The following KCNH5 variants were observed in gnomAD, a reference collection of about 807,000 sequenced individuals.
KCNH5 encodes the protein potassium voltage-gated channel subfamily H member 5, also known as voltage-gated delayed rectifier potassium channel KCNH5.
KCNH5 carries 46 observed loss-of-function variants against 96.1 expected under a neutral mutation model. The ratio of observed to expected loss-of-function variants is 0.48; its 90% CI spans 0.38 to 0.61. The LOEUF (loss-of-function observed/expected upper bound fraction) is 0.61. Among genes scored for constraint, KCNH5 ranks in the 20% least tolerant of loss-of-function variants. The pLI is 0.00. For synonymous variants in KCNH5, 439 were observed against 449.8 expected (o/e 0.98, Z 0.30); for missense variants, 907 against 1,225.8 (o/e 0.74, Z 3.88).
chr14:62,935,564 G>A (rs547057203), intron 7 of KCNH5, among the ~76,000 whole-genome samples: 3 of 152,186 alleles, frequency 2.0e-5, no homozygotes, highest in South Asian at 2.1e-4. Flanking sequence ...ACAGAGCTAG[G>A]AAAAAATAAA....
In KCNH5 at chr14:63,045,246, G is replaced by T. The variant is rs1397610380; in HGVS notation, c.-60C>A. On this transcript the variant is annotated 5_prime_UTR_variant, in exon 1 of 11. Transcript: ENST00000322893. ...CGGGGGAGGGGGGGATGCAGGCAAA[G>T]AAGGTGGAGGAAGAGGAGGAAAAGG... is the stretch of plus-strand genomic sequence containing the variant. The T allele has an allele frequency of 8.7e-6, 11 of 1,268,098 alleles. No homozygotes were observed. Among genetic ancestry groups the T allele is most frequent in the South Asian group, 2.4e-5 (2 of 84,124 alleles). The allele number at this position is 1,268,098 out of a possible 1,614,324, so 78.6% of individuals were successfully genotyped here.
At chr14:62,936,966 G>A (rs1173250442) in intron 7 of KCNH5, among the ~76,000 whole-genome samples, 1 of 120,312 alleles carries the variant, frequency 8.3e-6, no homozygotes, top group African/African-American at 3.3e-5. Context: ...GGGCAACAGA[G>A]TGAGACTCCA....
intron 7 of KCNH5, among the ~76,000 whole-genome samples, chr14:62,879,735 T>C (rs1455557235): frequency 6.6e-6 from 1 of 152,186 alleles, no homozygotes; most frequent in Non-Finnish European, 1.5e-5. Context: ...TGATTTGTAA[T>C]TTAATGTTAA....
At chr14:62,916,014 G>C (rs931554018) in intron 7 of KCNH5, among the ~76,000 whole-genome samples, 1 of 147,100 alleles carries the variant, frequency 6.8e-6, no homozygotes, top group Non-Finnish European at 1.5e-5. Context: ...GAGTGCAGTG[G>C]AGATCTTGGC....
rs775695930 is a variant in KCNH5, at chr14:63,001,471, A to G, written c.305-12T>C. ...CCAAACAGGGGTTCCTGTAACAGAA[A>G]GAAGTTGGGGAAAGGACATTAGAGT... On this transcript the variant is annotated splice_polypyrimidine_tract_variant and intron_variant, in intron 3 of 10. Transcript: ENST00000322893. 7 of 1,606,814 alleles carry G rather than the reference A, an allele frequency of 4.4e-6. No individual in the cohort carries two copies. In the South Asian group the frequency reaches 7.8e-5, roughly 18 times the overall value.
chr14:62,753,972 G>A (rs1205092183), intron 10 of KCNH5, among the ~76,000 whole-genome samples: 1 of 152,094 alleles, frequency 6.6e-6, no homozygotes, highest in Non-Finnish European at 1.5e-5. Flanking sequence ...ATTGTGCTGT[G>A]TAAACTACTC....
chr14:62,942,380 C>T (rs1031851722), intron 7 of KCNH5, among the ~76,000 whole-genome samples: 2 of 152,210 alleles, frequency 1.3e-5, no homozygotes, highest in Non-Finnish European at 2.9e-5. Flanking sequence ...TCTATATTCT[C>T]CCAATTTCTG....
chr14:62,752,211 C>T (rs1349021681), intron 10 of KCNH5, among the ~76,000 whole-genome samples: 1 of 152,112 alleles, frequency 6.6e-6, no homozygotes, highest in East Asian at 1.9e-4. Context: ...ACCTCATCTG[C>T]ATGGGTCCTA....
chr14:62,773,547 A>G (rs1009785822), intron 10 of KCNH5, among the ~76,000 whole-genome samples: 12 of 152,186 alleles, frequency 7.9e-5, no homozygotes, highest in Non-Finnish European at 1.5e-5. Flanking sequence ...GGATGGATGC[A>G]TGGCTATATG....
chr14:62,892,861 C>G (rs561965712), intron 7 of KCNH5, among the ~76,000 whole-genome samples: 26 of 152,220 alleles, frequency 1.7e-4, no homozygotes, highest in African/African-American at 6.3e-4. Context: ...GTGTACCCCC[C>G]CAAAAATTTT....
chr14:62,799,450 G>A (rs1486318605), intron 9 of KCNH5, among the ~76,000 whole-genome samples: 2 of 150,398 alleles, frequency 1.3e-5, no homozygotes, highest in East Asian at 2.0e-4. Flanking sequence ...GTGCATGCCT[G>A]TAATCCCAGC....
At chr14:62,845,389 C>T (rs1174208045) in intron 8 of KCNH5, among the ~76,000 whole-genome samples, 1 of 152,114 alleles carries the variant, frequency 6.6e-6, no homozygotes, top group African/African-American at 2.4e-5. Context: ...ATCAATTTAA[C>T]TCATAATCAA....
At chr14:62,994,341 T>C (rs1338266027) in intron 4 of KCNH5, among the ~76,000 whole-genome samples, 1 of 152,088 alleles carries the variant, frequency 6.6e-6, no homozygotes, top group East Asian at 1.9e-4. Context: ...TTTCACACTG[T>C]AATTATCTTG....
intron 8 of KCNH5, among the ~76,000 whole-genome samples, chr14:62,825,222 C>T (rs1470191654): frequency 2.0e-5 from 3 of 152,072 alleles, no homozygotes; most frequent in African/African-American, 7.2e-5. Flanking sequence ...TACGTTCCCA[C>T]CAACAGTATG....
At chr14:62,978,957 T>G (rs1277937463) in intron 6 of KCNH5, among the ~76,000 whole-genome samples, 1 of 152,214 alleles carries the variant, frequency 6.6e-6, no homozygotes, top group African/African-American at 2.4e-5. Flanking sequence ...TTCCAGAATG[T>G]AGTACATTGT....
chr14:62,874,243 C>T (rs566914699), intron 7 of KCNH5, among the ~76,000 whole-genome samples: 12 of 151,794 alleles, frequency 7.9e-5, no homozygotes, highest in African/African-American at 2.9e-4. Context: ...TTAAAAATGG[C>T]TCATAATATT....
At chr14:62,891,886 T>C (rs1242510739) in intron 7 of KCNH5, among the ~76,000 whole-genome samples, 1 of 152,208 alleles carries the variant, frequency 6.6e-6, no homozygotes, top group Non-Finnish European at 1.5e-5. Flanking sequence ...GTGAACTTAA[T>C]CAATAAATGT....
intron 10 of KCNH5, among the ~76,000 whole-genome samples, chr14:62,771,786 A>G (rs1450779450): frequency 6.6e-6 from 1 of 152,174 alleles, no homozygotes; most frequent in East Asian, 1.9e-4. Flanking sequence ...ACAATAGTAA[A>G]GGTATTAGAA....
intron 7 of KCNH5, among the ~76,000 whole-genome samples, chr14:62,922,005 G>T (rs10483761): frequency 0.086 from 13,140 of 151,918 alleles, 834 homozygotes; most frequent in Admixed American, 0.19. Flanking sequence ...GTGTAACATA[G>T]GTAGGACTAT....
Sources: gnomAD v4.1 joint callset for allele counts (sites outside exome capture counted in the v4.1 genomes callset) on GRCh38, gnomAD v4.1.1 for gene constraint, MANE v1.5 for transcripts, NCBI Gene and HGNC (gene_info 2026-07-23, HGNC 2026-07-21) for gene names.